The following ME3 variants were observed in gnomAD, a reference collection of about 807,000 sequenced individuals.
ME3 encodes the protein NADP-dependent malic enzyme, mitochondrial.
A neutral mutation model predicts 68.9 loss-of-function variants in ME3; 48 were observed. The observed-to-expected ratio is 0.70, with a 90% confidence interval of 0.55 to 0.89. The LOEUF (loss-of-function observed/expected upper bound fraction) is 0.89. Among genes scored for constraint, ME3 ranks in the 40% least tolerant of loss-of-function variants. The pLI is 0.00. For synonymous variants in ME3, 320 were observed against 318.8 expected (o/e 1.00, Z -0.04); for missense variants, 675 against 797.4 (o/e 0.85, Z 1.85).
intron 10 of ME3, among the ~76,000 whole-genome samples, chr11:86,448,483 A>G (rs1255971210): frequency 6.6e-6 from 1 of 152,050 alleles, no homozygotes; most frequent in African/African-American, 2.4e-5. Flanking sequence ...TTTAACCCAA[A>G]CCACATATGG....
intron 6 of ME3, among the ~76,000 whole-genome samples, chr11:86,492,509 T>C (rs143087418): frequency 6.6e-6 from 1 of 152,250 alleles, no homozygotes; most frequent in Non-Finnish European, 1.5e-5. Flanking sequence ...ACCAGGCTTA[T>C]TCACTTCCAT....
intron 4 of ME3, among the ~76,000 whole-genome samples, chr11:86,521,622 C>A (rs1349611687): frequency 2.0e-5 from 3 of 152,116 alleles, no homozygotes; most frequent in Admixed American, 6.5e-5. Flanking sequence ...CCAAGAGACA[C>A]AGAATTTCAT....
intron 4 of ME3, among the ~76,000 whole-genome samples, chr11:86,547,951 C>T (rs767518570): frequency 3.9e-5 from 6 of 152,208 alleles, no homozygotes; most frequent in African/African-American, 1.4e-4. Context: ...ATGCCTTTGG[C>T]TAAAGGAAGT....
At chr11:86,476,701 C>T (rs1951099288) in intron 7 of ME3, among the ~76,000 whole-genome samples, 1 of 152,174 alleles carries the variant, frequency 6.6e-6, no homozygotes, top group Non-Finnish European at 1.5e-5. Context: ...ACACCGTCCA[C>T]TGGAGGAGGG....
downstream of ME3, among the ~76,000 whole-genome samples, chr11:86,440,334 G>C (rs1211898587): frequency 1.3e-5 from 2 of 152,174 alleles, no homozygotes; most frequent in African/African-American, 4.8e-5. Flanking sequence ...ACATGAGAGA[G>C]ATGAAGGCTA....
intron 4 of ME3, among the ~76,000 whole-genome samples, chr11:86,535,313 G>A (rs535949192): frequency 1.3e-5 from 2 of 151,974 alleles, no homozygotes; most frequent in East Asian, 1.9e-4. Context: ...CATCTATGTC[G>A]TCCACTTGGC....
chr11:86,534,119 G>T (rs1468478333), intron 4 of ME3, among the ~76,000 whole-genome samples: 1 of 149,260 alleles, frequency 6.7e-6, no homozygotes, highest in Non-Finnish European at 1.5e-5. Context: ...ATGTAAAATG[G>T]TGCACCTGTA....
chr11:86,672,360 G>C (rs1175803003), exon 1 of ME3: 1 of 168,662 alleles, frequency 5.9e-6, no homozygotes, highest in African/African-American at 2.4e-5. Context: ...ACGCGGTCCC[G>C]CTGCGGAGCA....
intron 8 of ME3, 42 bp from the exon 9 acceptor site, chr11:86,450,440 G>T (rs371278154): frequency 5.2e-6 from 8 of 1,537,368 alleles, no homozygotes; most frequent in African/African-American, 1.4e-5. Flanking sequence ...GCCACAGGCC[G>T]CCAGCTCCCA....
At chr11:86,522,367 T>C (rs533398284) in intron 4 of ME3, among the ~76,000 whole-genome samples, 1 of 152,172 alleles carries the variant, frequency 6.6e-6, no homozygotes, top group African/African-American at 2.4e-5. Context: ...TTTTCTTTTT[T>C]TTTTTTTTAC....
intron 2 of ME3, among the ~76,000 whole-genome samples, chr11:86,584,946 G>A (rs1293026816): frequency 6.6e-6 from 1 of 152,114 alleles, no homozygotes; most frequent in East Asian, 1.9e-4. Flanking sequence ...CATGGCAAAT[G>A]TTCTCACCAC....
intron 4 of ME3, among the ~76,000 whole-genome samples, chr11:86,542,040 T>C (rs1004954330): frequency 9.2e-5 from 14 of 152,094 alleles, no homozygotes; most frequent in Non-Finnish European, 1.9e-4. Flanking sequence ...CAGCAAACTC[T>C]AGCAGACCTG....
At chr11:86,520,372 G>C (rs1954185247) in intron 4 of ME3, among the ~76,000 whole-genome samples, 1 of 152,192 alleles carries the variant, frequency 6.6e-6, no homozygotes, top group African/African-American at 2.4e-5. Flanking sequence ...ATTGTGCTGA[G>C]TACATGGAAA....
At chr11:86,556,459 G>A (rs1956928297) in intron 4 of ME3, 94 bp downstream of exon 4, 1 of 1,422,078 alleles carries the variant, frequency 7.0e-7, no homozygotes, top group South Asian at 1.4e-5. Flanking sequence ...ATCAGAGTTA[G>A]CCTCCAGAGT....
chr11:86,456,913 T>A (rs1429864804), intron 8 of ME3, among the ~76,000 whole-genome samples: 1 of 152,164 alleles, frequency 6.6e-6, no homozygotes, highest in African/African-American at 2.4e-5. Context: ...GTGCTCCTAT[T>A]TTTTGCCCTT....
At chr11:86,621,692 G>C (rs764378384) in intron 2 of ME3, among the ~76,000 whole-genome samples, 1 of 151,832 alleles carries the variant, frequency 6.6e-6, no homozygotes, top group Non-Finnish European at 1.5e-5. Context: ...GGCAAAGTTA[G>C]TCTAACTTCA....
chr11:86,619,336 A>G (rs1422496000), intron 2 of ME3, among the ~76,000 whole-genome samples: 1 of 152,230 alleles, frequency 6.6e-6, no homozygotes, highest in Non-Finnish European at 1.5e-5. Flanking sequence ...GAATACTGAA[A>G]TCGTATAATA....
rs374616296 is a variant in ME3 at position 86,442,421 on chromosome 11, G to A, written c.1653+400C>T. ...GGAAACTGAGGCTCAGGGAAGTGAA[G>A]TGATTGGGCCAATATTATACCATTG... is the stretch of plus-strand genomic sequence containing the variant. On this transcript the variant is annotated intron_variant, in intron 14 of 14. Coordinates refer to ENST00000543262, the Ensembl canonical transcript of ME3. Among the ~76,000 whole-genome samples, 3 of 152,340 alleles carry A rather than the reference G, an allele frequency of 2.0e-5. No homozygotes were observed. In the East Asian group the frequency reaches 5.8e-4, roughly 29 times the overall value.
downstream of ME3, chr11:86,436,138 C>G (rs1023617732): frequency 3.1e-4 from 47 of 152,226 alleles, no homozygotes; most frequent in African/African-American, 1.1e-3. Flanking sequence ...AGGGAACTCT[C>G]CCTTAATCTA....
Sources: allele counts gnomAD v4.1 joint callset (sites outside exome capture counted in the v4.1 genomes callset), GRCh38; gene constraint gnomAD v4.1.1; transcripts MANE v1.5; gene names NCBI Gene and HGNC (gene_info 2026-07-23, HGNC 2026-07-21).